Variants in WDFY3 observed in about 807,000 individuals in gnomAD.
The protein encoded by WDFY3 is WD repeat and FYVE domain containing 3.
Under a neutral mutation model 409.6 loss-of-function variants are expected in WDFY3, and 66 were observed. The observed-to-expected ratio is 0.16, with a 90% CI of 0.13 to 0.20. The LOEUF (loss-of-function observed/expected upper bound fraction) is 0.20, where lower values mean the gene tolerates loss of function less well. Among genes scored for constraint, WDFY3 ranks in the 10% least tolerant of loss-of-function variants. The pLI, the probability that WDFY3 is intolerant of heterozygous loss-of-function variation, is 1.00. For missense variants in WDFY3, 3,031 were observed against 4,298.1 expected, an observed-to-expected ratio of 0.71 and a Z score of 8.24; for synonymous variants, 1,521 against 1,537.1, an observed-to-expected ratio of 0.99 and a Z score of 0.25.
At chr4:84,709,522 T>C (rs911879170) in intron 51 of WDFY3, among the ~76,000 whole-genome samples, 175 bp from the exon 52 acceptor site, 1 of 152,210 alleles carries the variant, frequency 6.6e-6, no homozygotes, top group East Asian at 1.9e-4. Flanking sequence ...AAATATGAAG[T>C]AACATAGAAC....
chr4:84,672,745 C>T lies in WDFY3; in HGVS notation c.*123G>A. Reference sequence around the variant, plus strand: ...ATTCAATGATCCCTTTGAATTTTAACACTTCAAACACGTGGTATGAAGAGA... The same window carrying T: ...ATTCAATGATCCCTTTGAATTTTAATACTTCAAACACGTGGTATGAAGAGA... On this transcript the variant is annotated 3_prime_UTR_variant, in exon 68 of 68. Transcript: ENST00000295888. 1.4e-6 allele frequency: 2 copies of T among 1,384,890 alleles called. No homozygotes were observed. The highest frequency in any genetic ancestry group is 2.0e-6 in the Non-Finnish European group (2 of 1,020,668). The allele number at this position is 1,384,890 out of a possible 1,614,324, so 85.8% of individuals were successfully genotyped here.
chr4:84,827,277 G>A (rs1397175158), intron 9 of WDFY3, among the ~76,000 whole-genome samples: 1 of 151,906 alleles, frequency 6.6e-6, no homozygotes. Context: ...AAGTAGGAAA[G>A]AAGAAAAAGT....
chr4:84,891,920 G>C (rs1348089610), intron 3 of WDFY3, among the ~76,000 whole-genome samples: 1 of 151,898 alleles, frequency 6.6e-6, no homozygotes, highest in Admixed American at 6.6e-5. Flanking sequence ...CAGACCTTCA[G>C]TTCACATCAG....
intron 62 of WDFY3, among the ~76,000 whole-genome samples, chr4:84,685,371 C>G (rs957490797): frequency 6.6e-6 from 1 of 152,184 alleles, no homozygotes; most frequent in Non-Finnish European, 1.5e-5. Context: ...TCCTCCCACC[C>G]CCTAGCTCTT....
rs564896077 is a variant in WDFY3, at chr4:84,714,962, AAAG to A, written c.7961+333_7961+335del. Among the ~76,000 whole-genome samples the A allele has an allele frequency of 9.5e-3, 1,440 of 151,872 alleles. 15 individuals carry two copies. The highest frequency in any genetic ancestry group is 0.031 in the African/African-American group (1,278 of 41,356). ...GAGACTCCGTCTCAAAAAAAAAAAA[AAAG>A]AAGAAGAAAAAAAGAAACTAAAGTT... On this transcript the variant is annotated intron_variant, in intron 50 of 67. Transcript: ENST00000295888.
chr4:84,678,214 T>C lies in WDFY3; in HGVS notation c.10213A>G (p.Lys3405Glu). 2 of 1,614,084 alleles carry C rather than the reference T, an allele frequency of 1.2e-6. No homozygotes were observed. Among genetic ancestry groups the C allele is most frequent in the Non-Finnish European group, 1.7e-6 (2 of 1,179,996 alleles). The stretch of plus-strand genomic sequence containing the variant: ...ACCTCAGCTGGGTGTGCATTGTCCT[T>C]TCGATCAAAGGCTGTGTGCATAGTC... ...KLTMHTAFDRKDNAHPAEVTA... is the reference protein window; with the variant it reads ...KLTMHTAFDREDNAHPAEVTA... The change falls in exon 66 of 68, where the codon AAG becomes GAG. Residue 3405 changes from lysine to glutamate, a missense_variant. Lys to Glu is a moderately conservative substitution (Grantham distance 56). Transcript: ENST00000295888.
chr4:84,776,879 T>C (rs1347965840), intron 27 of WDFY3, among the ~76,000 whole-genome samples: 4 of 152,010 alleles, frequency 2.6e-5, no homozygotes, highest in African/African-American at 9.7e-5. Flanking sequence ...TTTGAAAGAA[T>C]GAGGTCCCAA....
At chr4:84,919,502 G>A (rs1334096482) in intron 2 of WDFY3, among the ~76,000 whole-genome samples, 5 of 152,068 alleles carry the variant, frequency 3.3e-5, no homozygotes, top group Non-Finnish European at 7.4e-5. Flanking sequence ...GTTTGGCTGT[G>A]TCCCTACCCA....
intron 59 of WDFY3, 149 bp from the exon 60 acceptor site, chr4:84,691,934 T>A (rs1729337362): frequency 9.6e-6 from 8 of 832,072 alleles, no homozygotes; most frequent in Non-Finnish European, 1.4e-5. Flanking sequence ...GAGCTGGGCT[T>A]TTGAATCTCC....
chr4:84,775,239 A>T, intron 27 of WDFY3, 101 bp from the exon 28 acceptor site: 1 of 976,412 alleles, frequency 1.0e-6, no homozygotes, highest in Admixed American at 2.7e-5. Flanking sequence ...TTTCACTTAT[A>T]TAATTATTAT....
chr4:84,742,831 T>C (rs1738691257), intron 37 of WDFY3, among the ~76,000 whole-genome samples: 3 of 152,158 alleles, frequency 2.0e-5, no homozygotes, highest in Non-Finnish European at 2.9e-5. Context: ...GCCAAAAAGG[T>C]TGGGGACCAC....
At chr4:84,676,438 C>T (rs538597698) in intron 67 of WDFY3, among the ~76,000 whole-genome samples, 1 of 152,098 alleles carries the variant, frequency 6.6e-6, no homozygotes, top group Non-Finnish European at 1.5e-5. Context: ...ACTAGCACTA[C>T]TGTTTTGAAG....
Position 84,826,836 on chromosome 4 carries a change from C to G in WDFY3, c.1102G>C (p.Val368Leu). ...GAPFLLPGFA[V>L]PQPAGKGHSV... ...TCACCTTTGCCTGCAGGCTGAGGTA[C>G]TGCAAATCCAGGCAATAAAAAGGGT... is the stretch of plus-strand genomic sequence containing the variant. Residue 368 changes from valine to leucine, a missense_variant, in exon 10 of 68, where the codon GTA becomes CTA. Physicochemically the swap from Val to Leu is conservative, Grantham distance 32. Transcript: ENST00000295888. 1 of 1,608,980 alleles carries G rather than the reference C, an allele frequency of 6.2e-7. No homozygotes were observed. The highest frequency in any genetic ancestry group is 8.5e-7 in the Non-Finnish European group (1 of 1,178,760).
At chr4:84,949,456 T>C (rs1048025538) in intron 1 of WDFY3, among the ~76,000 whole-genome samples, 4 of 152,182 alleles carry the variant, frequency 2.6e-5, no homozygotes, top group Admixed American at 6.5e-5. Context: ...TTCTAGATTA[T>C]AGCATATTGA....
chr4:84,881,740 T>C (rs1450949295), intron 3 of WDFY3, among the ~76,000 whole-genome samples: 1 of 151,864 alleles, frequency 6.6e-6, no homozygotes, highest in Non-Finnish European at 1.5e-5. Flanking sequence ...TACAAAAGAA[T>C]AGCCAGGCAT....
intron 3 of WDFY3, among the ~76,000 whole-genome samples, chr4:84,893,729 G>A (rs955449861): frequency 1.3e-5 from 2 of 152,228 alleles, no homozygotes; most frequent in African/African-American, 4.8e-5. Context: ...GCTCACGCCT[G>A]TAATTCCAAA....
rs1363744626 is a variant in WDFY3 at position 84,849,983 on chromosome 4, A to G, written c.223T>C (p.Ser75Pro). The G allele has an allele frequency of 2.5e-6, 4 of 1,609,074 alleles. No individual in the cohort carries two copies. Among genetic ancestry groups the G allele is most frequent in the Non-Finnish European group, 3.4e-6 (4 of 1,177,978 alleles). Residue 75 changes from serine to proline, a missense_variant, in exon 5 of 68, where the codon TCT (serine) becomes CCT (proline). This residue lies in a region of WDFY3 where 1,322 missense variants were observed against 1,697.9 expected (regional missense o/e 0.78). Coordinates refer to ENST00000295888, the MANE Select transcript of WDFY3 (RefSeq NM_014991.6). ...APPNTMTEKF[S>P]DLLQFTTQVS... ...TGTGTTGTGAACTGCAGAAGATCAG[A>G]AAATTTTTCTGTCATTGTATTCGGC...
At chr4:84,733,746 A>G in intron 43 of WDFY3, 137 bp from the exon 44 acceptor site, 3 of 852,096 alleles carry the variant, frequency 3.5e-6, no homozygotes, top group Non-Finnish European at 5.3e-6. Context: ...ATAAAAGTAA[A>G]ATTACATTTG....
At chr4:84,895,803 A>T in intron 3 of WDFY3, among the ~76,000 whole-genome samples, 1 of 152,216 alleles carries the variant, frequency 6.6e-6, no homozygotes, top group East Asian at 1.9e-4. Flanking sequence ...TAGGAAGTAG[A>T]TATCTTTCAG....
Sources: gnomAD v4.1 joint callset for allele counts (sites outside exome capture counted in the v4.1 genomes callset) on GRCh38, gnomAD v4.1.1 for gene constraint, gnomAD v4.1.1 regional missense constraint, MANE v1.5 for transcripts, NCBI Gene and HGNC (gene_info 2026-07-23, HGNC 2026-07-21) for gene names.